The following FAM184A variants were observed in gnomAD, a reference collection of about 807,000 sequenced individuals.
FAM184A encodes protein FAM184A.
Under a neutral mutation model 143.8 loss-of-function variants are expected in FAM184A, and 99 were observed. The ratio of observed to expected loss-of-function variants is 0.69; its 90% CI spans 0.58 to 0.81. The LOEUF is 0.81. Ranked by LOEUF, FAM184A falls within the 40% of genes least tolerant of loss-of-function variation. The pLI, the probability that FAM184A is intolerant of heterozygous loss-of-function variation, is 0.00. For synonymous variants in FAM184A, 427 were observed against 446.4 expected, an observed-to-expected ratio of 0.96 and a Z score of 0.55; for missense variants, 1,217 against 1,310.5, an observed-to-expected ratio of 0.93 and a Z score of 1.10.
chr6:119,008,715 G>A (rs112723205), intron 6 of FAM184A, among the ~76,000 whole-genome samples: 26 of 152,188 alleles, frequency 1.7e-4, no homozygotes, highest in East Asian at 7.7e-4. Context: ...TGAAATATCC[G>A]TCTACCTCTA....
chr6:118,998,684 G>A (rs1197854740), intron 9 of FAM184A, among the ~76,000 whole-genome samples: 1 of 152,210 alleles, frequency 6.6e-6, no homozygotes, highest in Non-Finnish European at 1.5e-5. Context: ...TGGAGGGACT[G>A]GTAGGTGCAA....
At chr6:119,111,021 G>A (rs968046362) in intron 1 of FAM184A, among the ~76,000 whole-genome samples, 2 of 152,078 alleles carry the variant, frequency 1.3e-5, no homozygotes, top group Non-Finnish European at 2.9e-5. Context: ...GAGTATCCTC[G>A]TCATTGCTGC....
chr6:119,108,940 A>T (rs1788860319), intron 1 of FAM184A, among the ~76,000 whole-genome samples: 1 of 152,076 alleles, frequency 6.6e-6, no homozygotes, highest in African/African-American at 2.4e-5. Context: ...TACAAACCTA[A>T]ATCTACTCCC....
At chr6:119,128,403 G>A (rs1789431570) in intron 1 of FAM184A, among the ~76,000 whole-genome samples, 1 of 152,164 alleles carries the variant, frequency 6.6e-6, no homozygotes, top group African/African-American at 2.4e-5. Context: ...GTTATCTTGG[G>A]TAATTGCCTA....
intron 1 of FAM184A, among the ~76,000 whole-genome samples, chr6:119,044,131 AC>A (rs1489545516): frequency 1.3e-5 from 2 of 152,194 alleles, no homozygotes; most frequent in Admixed American, 1.3e-4. Context: ...GGAGAATCAC[AC>A]TTTTACCACT....
intron 1 of FAM184A, among the ~76,000 whole-genome samples, chr6:119,033,675 A>AAG (rs1429368901): frequency 1.3e-5 from 2 of 148,294 alleles, no homozygotes; most frequent in Non-Finnish European, 3.0e-5. Context: ...AAAAAAAAAA[A>AAG]AAAGAAAGAA....
chr6:119,068,932 T>C (rs1403682694), intron 1 of FAM184A: 8 of 228,600 alleles, frequency 3.5e-5, no homozygotes, highest in Non-Finnish European at 8.0e-5. Context: ...AATTTGCCCA[T>C]GATTACACAT....
chr6:119,006,089 A>C, intron 7 of FAM184A: 1 of 765,206 alleles, frequency 1.3e-6, no homozygotes, highest in Non-Finnish European at 2.4e-6. Flanking sequence ...CCTTGTTCCA[A>C]TATGCCTGGT....
intron 5 of FAM184A, among the ~76,000 whole-genome samples, chr6:119,015,156 T>C (rs2782574): frequency 0.94 from 142,414 of 152,216 alleles, 66,772 homozygotes; most frequent in Non-Finnish European, 0.96. Flanking sequence ...GAGGTGACAG[T>C]GTGCTGGCAG....
rs376152941 is a variant in FAM184A at position 118,978,310 on chromosome 6, C to A, written c.2455+1055G>T. Among the ~76,000 whole-genome samples, 17 of 152,308 alleles carry A rather than the reference C, an allele frequency of 1.1e-4. No individual in the cohort carries two copies. In the East Asian group the frequency reaches 3.3e-3, roughly 29 times the overall value. ...GTTTAGTGGAGCATGTTTCAATGGA[C>A]TAAACAACAATAGTTCCAACACTGG... On this transcript the variant is annotated intron_variant, in intron 11 of 17. Coordinates refer to ENST00000338891, the MANE Select transcript of FAM184A (RefSeq NM_024581.6).
chr6:118,990,384 TCACTACCTCTGTCCA>T (rs1784338228), intron 9 of FAM184A, among the ~76,000 whole-genome samples: 1 of 152,154 alleles, frequency 6.6e-6, no homozygotes, highest in Non-Finnish European at 1.5e-5. Flanking sequence ...ACTCATATGG[TCACTACCTCTGTCCA>T]CACCCAGTTG....
chr6:119,058,322 G>A (rs887042594), intron 1 of FAM184A, among the ~76,000 whole-genome samples: 1 of 151,096 alleles, frequency 6.6e-6, no homozygotes, highest in African/African-American at 2.4e-5. Flanking sequence ...TGAGCCTCTT[G>A]CCTCAGTAGC....
chr6:119,023,888 C>G, intron 2 of FAM184A, 71 bp downstream of exon 2: 1 of 1,400,588 alleles, frequency 7.1e-7, no homozygotes, highest in Non-Finnish European at 9.5e-7. Flanking sequence ...CCAGACTGCT[C>G]TCCAGCCTAC....
intron 4 of FAM184A, 67 bp downstream of exon 4, chr6:119,019,911 A>G (rs1785384651): frequency 1.5e-6 from 2 of 1,352,732 alleles, no homozygotes; most frequent in East Asian, 4.9e-5. Context: ...TACTCCAAAT[A>G]CTTCAAATGT....
At chr6:119,021,980 A>C (rs1785460533) in intron 3 of FAM184A, among the ~76,000 whole-genome samples, 3 of 152,070 alleles carry the variant, frequency 2.0e-5, no homozygotes, top group Admixed American at 2.0e-4. Flanking sequence ...TGTCTCAAAA[A>C]ATAAAATAAA....
At chr6:119,052,607 A>G (rs746968755) in intron 1 of FAM184A, among the ~76,000 whole-genome samples, 1 of 152,200 alleles carries the variant, frequency 6.6e-6, no homozygotes, top group Non-Finnish European at 1.5e-5. Flanking sequence ...CCACACATGT[A>G]CAGGAGGAAA....
At chr6:119,076,292 G>C (rs1259421855) in intron 1 of FAM184A, among the ~76,000 whole-genome samples, 2 of 152,136 alleles carry the variant, frequency 1.3e-5, no homozygotes, top group African/African-American at 2.4e-5. Context: ...CTTAGCAGAG[G>C]GGGTGGAGAG....
At chr6:119,147,293 C>T (rs72955092) in intron 1 of FAM184A, among the ~76,000 whole-genome samples, 2,435 of 140,612 alleles carry the variant, frequency 0.017, 29 homozygotes, top group Admixed American at 0.038. Flanking sequence ...TGGGTCTGAT[C>T]GATGATACAA....
chr6:119,015,780 C>T (rs1465529073), intron 5 of FAM184A, among the ~76,000 whole-genome samples: 1 of 152,380 alleles, frequency 6.6e-6, no homozygotes, highest in Non-Finnish European at 1.5e-5. Context: ...GTGAAGCCAG[C>T]TGGGCTCCTG....
Sources: gnomAD v4.1 joint callset for allele counts (sites outside exome capture counted in the v4.1 genomes callset) on GRCh38, gnomAD v4.1.1 for gene constraint, MANE v1.5 for transcripts, NCBI Gene and HGNC (gene_info 2026-07-23, HGNC 2026-07-21) for gene names.